RASGEF1C: variants seen among roughly 807,000 people sequenced by gnomAD.
The protein encoded by RASGEF1C is ras-GEF domain-containing family member 1C.
Under a neutral mutation model 58.1 loss-of-function variants are expected in RASGEF1C, and 27 were observed. The ratio of observed to expected loss-of-function variants is 0.46; its 90% CI spans 0.34 to 0.64. RASGEF1C has a LOEUF of 0.64. RASGEF1C is among the 30% of genes least tolerant of loss of function. RASGEF1C has a pLI of 0.01. For missense variants in RASGEF1C, 502 were observed against 605.1 expected (o/e 0.83, Z 1.79); for synonymous variants, 243 against 246.3 (o/e 0.99, Z 0.13).
chr5:180,167,140 T>C (rs775493252), intron 1 of RASGEF1C, among the ~76,000 whole-genome samples: 5 of 152,216 alleles, frequency 3.3e-5, no homozygotes, highest in Non-Finnish European at 7.3e-5. Flanking sequence ...CCAGCTATTA[T>C]GTTTTCAAAT....
At chr5:180,202,706 C>CT (rs1254362822) in intron 1 of RASGEF1C, among the ~76,000 whole-genome samples, 2,789 of 140,728 alleles carry the variant, frequency 0.02, 30 homozygotes, top group African/African-American at 0.03. Context: ...ACAAGTCTTT[C>CT]TTTTTTTTTT....
chr5:180,192,400 A>T (rs7719326), intron 1 of RASGEF1C, among the ~76,000 whole-genome samples: 4,781 of 152,090 alleles, frequency 0.031, 91 homozygotes, highest in Middle Eastern at 0.051. Context: ...GAGGCTCTCA[A>T]GAGTGTTCAC....
At chr5:180,173,686 GGGCA>G (rs1767152714) in intron 1 of RASGEF1C, among the ~76,000 whole-genome samples, 1 of 150,736 alleles carries the variant, frequency 6.6e-6, no homozygotes, top group Non-Finnish European at 1.5e-5. Context: ...AGGCCAAGGT[GGGCA>G]GATCACAAGG....
At chr5:180,142,427 G>A (rs950136112) in intron 1 of RASGEF1C, among the ~76,000 whole-genome samples, 1 of 152,166 alleles carries the variant, frequency 6.6e-6, no homozygotes, top group African/African-American at 2.4e-5. Context: ...AGAGCGTTAT[G>A]TTCTATAGCG....
At chr5:180,187,306 A>G (rs1223296229) in intron 1 of RASGEF1C, among the ~76,000 whole-genome samples, 1 of 152,234 alleles carries the variant, frequency 6.6e-6, no homozygotes, top group African/African-American at 2.4e-5. Context: ...AGCTAAAACT[A>G]TAAAACTCTC....
chr5:180,164,286 C>A (rs1035704367), intron 1 of RASGEF1C, among the ~76,000 whole-genome samples: 4 of 151,850 alleles, frequency 2.6e-5, no homozygotes, highest in Admixed American at 6.6e-5. Flanking sequence ...CTATTTTGCT[C>A]CTCTTTCCCT....
chr5:180,154,378 C>T (rs1182968332), intron 1 of RASGEF1C, among the ~76,000 whole-genome samples: 5 of 152,182 alleles, frequency 3.3e-5, no homozygotes, highest in African/African-American at 1.2e-4. Context: ...AGGTTCTGAA[C>T]TCCAGGGACT....
rs1207119939 is a variant in RASGEF1C at position 180,155,218 on chromosome 5, C to T, written c.-6-17160G>A. Among the ~76,000 whole-genome samples the T allele has an allele frequency of 1.3e-5, 2 of 152,202 alleles. No homozygotes were observed. Among genetic ancestry groups the T allele is most frequent in the East Asian group, 3.9e-4 (2 of 5,192 alleles). ...GACTATGCTAGCTCATGTCTGGCTG[C>T]CCCGAGCAGTGGTAGCATCACGTCT... On this transcript the variant is annotated intron_variant, in intron 1 of 13. Transcript: ENST00000361132. This position sits in a 1 kb window ranked among gnomAD's most constrained non-coding sequence, Gnocchi z 5.2.
intron 1 of RASGEF1C, among the ~76,000 whole-genome samples, chr5:180,184,713 T>A (rs4367258): frequency 1.3e-5 from 2 of 152,168 alleles, no homozygotes; most frequent in Non-Finnish European, 2.9e-5. Context: ...AAAGTGAAAG[T>A]ATGTAAAAAG....
At chr5:180,134,012 T>A (rs1455482937) in intron 4 of RASGEF1C, among the ~76,000 whole-genome samples, 3 of 152,134 alleles carry the variant, frequency 2.0e-5, no homozygotes, top group African/African-American at 7.2e-5. Flanking sequence ...GCACCTTGCT[T>A]GAGGTCACGC....
chr5:180,111,640 G>C, intron 11 of RASGEF1C, 60 bp from the exon 12 acceptor site: 1 of 1,601,704 alleles, frequency 6.2e-7, no homozygotes, highest in Admixed American at 1.7e-5. Context: ...TCCCCATGAG[G>C]GGGAGGGGCT....
chr5:180,191,106 T>C (rs1036745611), intron 1 of RASGEF1C, among the ~76,000 whole-genome samples: 1 of 152,200 alleles, frequency 6.6e-6, no homozygotes, highest in Non-Finnish European at 1.5e-5. Context: ...CCTGTATGCC[T>C]GTTAGAACGG....
Position 180,168,380 on chromosome 5 carries a change from C to G in RASGEF1C, c.-6-30322G>C, listed in dbSNP as rs1377906754. 2.0e-5 allele frequency among the ~76,000 whole-genome samples: 3 copies of G among 152,126 alleles called. No homozygotes were observed. The highest frequency in any genetic ancestry group is 4.8e-5 in the African/African-American group (2 of 41,412). ...CCCGGGAGGTGGCGGTTGCCATGAGCCGAGATGGCGCCACTGCACTCCAGC... is the reference window on the plus strand; with the variant it reads ...CCCGGGAGGTGGCGGTTGCCATGAGGCGAGATGGCGCCACTGCACTCCAGC... On this transcript the variant is annotated intron_variant, in intron 1 of 13. Transcript: ENST00000361132. The surrounding 1 kb of genome is among the most constrained non-coding windows in gnomAD (Gnocchi z 6.0).
chr5:180,204,431 C>T (rs553653025), intron 1 of RASGEF1C, among the ~76,000 whole-genome samples: 11 of 152,282 alleles, frequency 7.2e-5, no homozygotes, highest in South Asian at 4.1e-4. Flanking sequence ...AATATTCATA[C>T]GTTTTGTGTC....
rs1581121710 is a variant in RASGEF1C at position 180,177,049 on chromosome 5, G to A, written c.-7+31979C>T. Among the ~76,000 whole-genome samples, 1 of 152,264 alleles carries A rather than the reference G, an allele frequency of 6.6e-6. No homozygotes were observed. On this transcript the variant is annotated intron_variant, in intron 1 of 13. Transcript: ENST00000361132. This position sits in a 1 kb window ranked among gnomAD's most constrained non-coding sequence, Gnocchi z 5.0. ...ACCTTGGTCAACCTCCCAGAGGAGA[G>A]GGCTGCAGACGAGGGGTTTCCAAGG...
At chr5:180,190,438 T>C (rs373652987) in intron 1 of RASGEF1C, among the ~76,000 whole-genome samples, 11,691 of 129,994 alleles carry the variant, frequency 0.09, 781 homozygotes, top group African/African-American at 0.17. Flanking sequence ...TGCAGTGAGC[T>C]GAGATCGCGC....
intron 1 of RASGEF1C, among the ~76,000 whole-genome samples, chr5:180,154,369 G>T (rs975166902): frequency 2.6e-5 from 4 of 152,120 alleles, no homozygotes; most frequent in Admixed American, 1.3e-4. Flanking sequence ...TACCCGGACA[G>T]GTTCTGAACT....
intron 1 of RASGEF1C, among the ~76,000 whole-genome samples, chr5:180,191,420 G>A (rs13157604): frequency 4.0e-5 from 6 of 151,730 alleles, no homozygotes; most frequent in African/African-American, 9.7e-5. Context: ...GCAGTGGCGC[G>A]ATCTCAGCTC....
intron 1 of RASGEF1C, among the ~76,000 whole-genome samples, chr5:180,149,343 C>A (rs1024390792): frequency 2.6e-5 from 4 of 151,434 alleles, no homozygotes; most frequent in African/African-American, 7.3e-5. Context: ...ACCTCAGCCT[C>A]CCAAAGTGCT....
Sources: gnomAD v4.1 joint callset for allele counts (sites outside exome capture counted in the v4.1 genomes callset) on GRCh38, gnomAD v4.1.1 for gene constraint, Gnocchi (gnomAD v3.1) non-coding constraint, MANE v1.5 for transcripts, NCBI Gene and HGNC (gene_info 2026-07-23, HGNC 2026-07-21) for gene names.